Variants in APOLD1 observed in about 807,000 individuals in gnomAD.
APOLD1 encodes the protein apolipoprotein L domain containing 1.
APOLD1 carries 22 observed loss-of-function variants against 15.3 expected under a neutral mutation model. That is an observed-to-expected ratio of 1.44 (90% CI 1.03 to 2.05). The LOEUF is 2.05. Ranked by LOEUF, APOLD1 falls within the 30% of genes most tolerant of loss-of-function variation. The pLI is 0.00. For synonymous variants in APOLD1, 190 were observed against 167.4 expected (o/e 1.13, Z -1.04); for missense variants, 394 against 353.5 (o/e 1.11, Z -0.92).
In APOLD1 at chr12:12,789,200, G is replaced by T. The variant is rs1196831810; in HGVS notation, c.*1548G>T. The T allele has an allele frequency of 6.6e-6, 1 of 152,180 alleles. No individual in the cohort carries two copies. The highest frequency in any genetic ancestry group is 1.5e-5 in the Non-Finnish European group (1 of 68,028). The allele number at this position is 152,180 out of a possible 1,614,324, so 9.4% of individuals were successfully genotyped here. On this transcript the variant is annotated 3_prime_UTR_variant, in exon 2 of 2. Transcript: ENST00000356591. ...ATAATAAGAGCAAGTTTCTAAATGG[G>T]AGACTGCTGAGGCTCTTTGCAAGAG...
intron 1 of APOLD1, among the ~76,000 whole-genome samples, chr12:12,730,028 G>A (rs999550767): frequency 0.015 from 364 of 25,092 alleles, 1 homozygote; most frequent in African/African-American, 0.062. Context: ...AGCTAACTTT[G>A]TGTGTGTGTG....
intron 1 of APOLD1, among the ~76,000 whole-genome samples, chr12:12,734,554 C>G (rs1254569067): frequency 1.3e-5 from 2 of 152,204 alleles, no homozygotes; most frequent in Non-Finnish European, 1.5e-5. Flanking sequence ...TTTATAGATT[C>G]CTTCTGGCTT....
chr12:12,748,962 T>C (rs1349204025), intron 1 of APOLD1, among the ~76,000 whole-genome samples: 1 of 152,196 alleles, frequency 6.6e-6, no homozygotes, highest in African/African-American at 2.4e-5. Flanking sequence ...GAGAAAGTAC[T>C]CAGAGGGGGA....
At chr12:12,732,926 AATTG>A (rs1260122086) in intron 1 of APOLD1, among the ~76,000 whole-genome samples, 2 of 152,154 alleles carry the variant, frequency 1.3e-5, no homozygotes, top group South Asian at 2.1e-4. Context: ...AGGGTTACAG[AATTG>A]ATTATTTGAT....
At position 12,790,035 on chromosome 12, in the gene APOLD1, C is replaced by T. The variant is rs1002925129; in HGVS notation, c.*2383C>T. The T allele has an allele frequency of 2.0e-5, 3 of 147,638 alleles. No individual in the cohort carries two copies. Among genetic ancestry groups the T allele is most frequent in the African/African-American group, 7.5e-5 (3 of 39,884 alleles). The allele number at this position is 147,638 out of a possible 1,614,324, so 9.1% of individuals were successfully genotyped here. ...TTTTTTTTTTTGAGACAGAGTCTCACTCTGTCACCTAGGCTGGAGTTGCAG... is the reference window on the plus strand; with the variant it reads ...TTTTTTTTTTTGAGACAGAGTCTCATTCTGTCACCTAGGCTGGAGTTGCAG... On this transcript the variant is annotated 3_prime_UTR_variant, in exon 2 of 2. Transcript: ENST00000356591.
rs1482573281 is a variant in APOLD1 at position 12,786,923 on chromosome 12, G to T, written c.18G>T (p.Pro6=). The change falls in exon 2 of 2, where the codon CCG becomes CCT. Residue 6 remains proline, a synonymous_variant. Transcript: ENST00000356591. ...TGTCCCCGCAGGGAATGGAGAGGCCGGCGGCCCGGGAGCCGCATGGGCCCG... is the reference window on the plus strand; with the variant it reads ...TGTCCCCGCAGGGAATGGAGAGGCCTGCGGCCCGGGAGCCGCATGGGCCCG... MGMER[P]AAREPHGPDA... 1 of 1,448,310 alleles carries T rather than the reference G, an allele frequency of 6.9e-7. No homozygotes were observed. Among genetic ancestry groups the T allele is most frequent in the Non-Finnish European group, 9.0e-7 (1 of 1,109,512 alleles). The allele number at this position is 1,448,310 out of a possible 1,614,324, so 89.7% of individuals were successfully genotyped here.
At chr12:12,753,394 G>T (rs1478686878) in intron 1 of APOLD1, among the ~76,000 whole-genome samples, 1 of 152,238 alleles carries the variant, frequency 6.6e-6, no homozygotes, top group Non-Finnish European at 1.5e-5. Flanking sequence ...GGTTGGGTGT[G>T]ATGGCTCATG....
At chr12:12,770,927 G>A (rs1021288589) in intron 1 of APOLD1, among the ~76,000 whole-genome samples, 2 of 152,220 alleles carry the variant, frequency 1.3e-5, no homozygotes, top group African/African-American at 4.8e-5. Flanking sequence ...CAGACAGTAT[G>A]CAAGCAAGAA....
intron 1 of APOLD1, among the ~76,000 whole-genome samples, chr12:12,763,002 G>A (rs1053308249): frequency 8.6e-5 from 13 of 151,908 alleles, no homozygotes; most frequent in African/African-American, 2.7e-4. Context: ...TTTAAAAGCC[G>A]GGTGTAGTAG....
In APOLD1 at chr12:12,791,370, G is replaced by T. The variant is rs190716479; in HGVS notation, c.*3718G>T. ...AAAGACATCGTGCAGAGATAAATGG[G>T]GATACAGTTAAATGTAGCAACTCTT... is the stretch of plus-strand genomic sequence containing the variant. On this transcript the variant is annotated 3_prime_UTR_variant, in exon 2 of 2. Coordinates refer to ENST00000356591, the MANE Select transcript of APOLD1 (RefSeq NM_030817.3). 2.0e-5 allele frequency: 3 copies of T among 152,174 alleles called. No homozygotes were observed. Among genetic ancestry groups the T allele is most frequent in the African/African-American group, 7.2e-5 (3 of 41,532 alleles). 9.4% of individuals were successfully genotyped at this position (152,174 alleles called of 1,614,324 possible).
intron 1 of APOLD1, among the ~76,000 whole-genome samples, chr12:12,770,141 G>A (rs560962847): frequency 1.3e-5 from 2 of 152,310 alleles, no homozygotes; most frequent in African/African-American, 2.4e-5. Flanking sequence ...CGGGGGCGGT[G>A]GCTCACGTCT....
chr12:12,787,007 G>C lies in APOLD1; in HGVS notation c.102G>C (p.Gln34His). The change falls in exon 2 of 2, where the codon CAG becomes CAC. Residue 34 changes from glutamine (Q) to histidine (H), a missense_variant. Transcript: ENST00000356591. This position sits in a 1 kb window ranked among gnomAD's most constrained non-coding sequence, Gnocchi z 4.9. ...ACCGCCGAGGCCGGCTGCACGGCCA[G>C]GTGCTGCGCCTGCGCGAGGTGGCCC... ...LLDRRGRLHG[Q>H]VLRLREVARR... The C allele has an allele frequency of 5.0e-6, 7 of 1,399,856 alleles. No individual in the cohort carries two copies. The highest frequency in any genetic ancestry group is 6.4e-6 in the Non-Finnish European group (7 of 1,088,930). 86.7% of individuals were successfully genotyped at this position (1,399,856 alleles called of 1,614,324 possible).
intron 1 of APOLD1, among the ~76,000 whole-genome samples, chr12:12,768,284 G>GAA (rs1946956341): frequency 6.6e-6 from 1 of 152,082 alleles, no homozygotes; most frequent in African/African-American, 2.4e-5. Flanking sequence ...ACCACATTGT[G>GAA]TAGGTCTCAC....
At chr12:12,786,666 A>G (rs551849620) in intron 1 of APOLD1, 2 of 985,428 alleles carry the variant, frequency 2.0e-6, no homozygotes, top group South Asian at 9.4e-5. Flanking sequence ...AGCAGAAGAT[A>G]GCATTATTCC....
intron 1 of APOLD1, among the ~76,000 whole-genome samples, chr12:12,763,773 T>C (rs1369983810): frequency 6.6e-6 from 1 of 152,128 alleles, no homozygotes; most frequent in African/African-American, 2.4e-5. Flanking sequence ...ATACTTTAAA[T>C]CATCTCTAGA....
chr12:12,773,033 C>T (rs759615442), intron 1 of APOLD1, among the ~76,000 whole-genome samples: 76 of 151,762 alleles, frequency 5.0e-4, no homozygotes, highest in Non-Finnish European at 8.1e-4. Flanking sequence ...AAGTTATGAT[C>T]GCACCACTGC....
intron 1 of APOLD1, among the ~76,000 whole-genome samples, chr12:12,743,130 C>T (rs557529231): frequency 3.7e-4 from 56 of 152,320 alleles, no homozygotes; most frequent in African/African-American, 1.3e-3. Flanking sequence ...AAAGGGGAGA[C>T]CCAGCTTACT....
chr12:12,732,070 C>T (rs979108324), intron 1 of APOLD1, among the ~76,000 whole-genome samples: 2 of 152,172 alleles, frequency 1.3e-5, no homozygotes, highest in Non-Finnish European at 2.9e-5. Context: ...AATGCCTGTA[C>T]GTTGCTGGTG....
intron 1 of APOLD1, among the ~76,000 whole-genome samples, chr12:12,778,069 G>T (rs1197893651): frequency 6.7e-6 from 1 of 150,344 alleles, no homozygotes; most frequent in Non-Finnish European, 1.5e-5. Flanking sequence ...GGACCACAGG[G>T]GTGCACAACC....
Sources: gnomAD v4.1 joint callset for allele counts (sites outside exome capture counted in the v4.1 genomes callset) on GRCh38, gnomAD v4.1.1 for gene constraint, Gnocchi (gnomAD v3.1) non-coding constraint, MANE v1.5 for transcripts, NCBI Gene and HGNC (gene_info 2026-07-23, HGNC 2026-07-21) for gene names.